The following CCL28 variants were observed in gnomAD, a reference collection of about 807,000 sequenced individuals.
CCL28 encodes the protein C-C motif chemokine 28.
In CCL28, 4 loss-of-function variants were observed where a neutral mutation model predicts 7.1. The ratio of observed to expected loss-of-function variants is 0.56; its 90% CI spans 0.28 to 1.29. The LOEUF is 1.29. Ranked by LOEUF, CCL28 falls within the 50% of genes most tolerant of loss-of-function variation. The pLI is 0.11. For missense variants in CCL28, 151 were observed against 163.4 expected, an observed-to-expected ratio of 0.92 and a Z score of 0.41; for synonymous variants, 55 against 57.8, an observed-to-expected ratio of 0.95 and a Z score of 0.22.
chr5:43,369,035 A>AG, the CCL28 span, among the ~76,000 whole-genome samples: 1 of 42,278 alleles, frequency 2.4e-5, no homozygotes, highest in African/African-American at 1.2e-4. Context: ...AGAAAGAGAG[A>AG]AAGAGAGAGA....
intron 1 of CCL28, among the ~76,000 whole-genome samples, chr5:43,408,353 G>A (rs1205787736): frequency 1.3e-5 from 2 of 152,168 alleles, no homozygotes; most frequent in African/African-American, 4.8e-5. Flanking sequence ...CATGGATGAT[G>A]CTGGAAACCA....
chr5:43,393,862 C>A (rs925474356), intron 1 of CCL28, among the ~76,000 whole-genome samples: 1 of 152,158 alleles, frequency 6.6e-6, no homozygotes, highest in Non-Finnish European at 1.5e-5. Context: ...TCTCACAAGA[C>A]GTGTAGAAAC....
chr5:43,364,304 TATGTGTGTGTGTGTATGTACATGTAC>T, the CCL28 span, among the ~76,000 whole-genome samples: 1 of 40,104 alleles, frequency 2.5e-5, no homozygotes, highest in South Asian at 5.6e-4. Flanking sequence ...CAAAACTATA[TATGTGTGTGTGTGTATGTACATGTAC>T]ATGTGTGTGT....
chr5:43,406,103 T>C (rs1236562585), intron 1 of CCL28, among the ~76,000 whole-genome samples: 1 of 152,072 alleles, frequency 6.6e-6, no homozygotes, highest in Non-Finnish European at 1.5e-5. Context: ...TCTAAAACTA[T>C]TCCAATCAAT....
At chr5:43,389,989 TC>T (rs1356458952) in intron 1 of CCL28, among the ~76,000 whole-genome samples, 3 of 152,188 alleles carry the variant, frequency 2.0e-5, no homozygotes, top group Non-Finnish European at 2.9e-5. Flanking sequence ...TCAGAATAGT[TC>T]CATTTTTAAA....
chr5:43,384,027 T>C, intron 2 of CCL28: 1 of 189,078 alleles, frequency 5.3e-6, no homozygotes, highest in South Asian at 7.2e-5. Flanking sequence ...TAGGTGGAGG[T>C]TGTAGTGAGC....
At chr5:43,374,553 C>T (rs181452381), downstream of CCL28, among the ~76,000 whole-genome samples, 11 of 152,222 alleles carry the variant, frequency 7.2e-5, 1 homozygote, top group African/African-American at 2.4e-4. Flanking sequence ...GAGGCCAAGG[C>T]GGGCGGATCA....
At chr5:43,378,723 G>A (rs374637361), downstream of CCL28, among the ~76,000 whole-genome samples, 14 of 152,298 alleles carry the variant, frequency 9.2e-5, no homozygotes, top group East Asian at 2.5e-3. Flanking sequence ...AGTACTTTGG[G>A]AGGCCGAGGT....
chr5:43,407,533 G>A (rs79770659), intron 1 of CCL28, among the ~76,000 whole-genome samples: 99,347 of 152,118 alleles, frequency 0.65, 34,416 homozygotes, highest in African/African-American at 0.87. Context: ...CAAAAACCAT[G>A]AAAACCCTAG....
intron 1 of CCL28, among the ~76,000 whole-genome samples, chr5:43,402,925 T>C (rs1251500966): frequency 6.6e-6 from 1 of 152,130 alleles, no homozygotes; most frequent in Non-Finnish European, 1.5e-5. Context: ...AGCACAGCGG[T>C]CTGAGATTGA....
the CCL28 span, among the ~76,000 whole-genome samples, chr5:43,358,379 G>A: frequency 6.6e-6 from 1 of 152,190 alleles, no homozygotes; most frequent in Non-Finnish European, 1.5e-5. Context: ...AAGCAGATTG[G>A]TCATTTCAAA....
the CCL28 span, among the ~76,000 whole-genome samples, chr5:43,364,206 T>C: frequency 1.1e-5 from 1 of 95,188 alleles, no homozygotes; most frequent in African/African-American, 7.5e-5. Context: ...CTGATAAACA[T>C]TGTGATTTTT....
the CCL28 span, among the ~76,000 whole-genome samples, chr5:43,369,513 C>T: frequency 3.3e-5 from 5 of 152,134 alleles, no homozygotes; most frequent in Admixed American, 6.5e-5. Flanking sequence ...CAACCTCCGC[C>T]TCCCAGGTTA....
At chr5:43,362,584 T>C in the CCL28 span, among the ~76,000 whole-genome samples, 48 of 152,268 alleles carry the variant, frequency 3.2e-4, no homozygotes, top group South Asian at 1.7e-3. Flanking sequence ...TCCATGAAAA[T>C]GCATGCAAGA....
chr5:43,390,097 G>A (rs1235588129), intron 1 of CCL28, among the ~76,000 whole-genome samples: 1 of 152,178 alleles, frequency 6.6e-6, no homozygotes, highest in Non-Finnish European at 1.5e-5. Flanking sequence ...AGATGATTAT[G>A]TGACATTTCT....
intron 1 of CCL28, among the ~76,000 whole-genome samples, chr5:43,407,833 T>C (rs947578108): frequency 1.8e-5 from 1 of 57,112 alleles, no homozygotes; most frequent in Non-Finnish European, 3.6e-5. Context: ...GGGTGAAGGA[T>C]ATGAACAGAC....
chr5:43,371,330 C>G, the CCL28 span, among the ~76,000 whole-genome samples: 270 of 152,268 alleles, frequency 1.8e-3, 1 homozygote, highest in African/African-American at 6.3e-3. Context: ...ATGATTCCAG[C>G]CTCCAAAATT....
downstream of CCL28, among the ~76,000 whole-genome samples, chr5:43,374,383 A>G (rs141772125): frequency 2.6e-3 from 402 of 152,378 alleles, 2 homozygotes; most frequent in African/African-American, 9.2e-3. Flanking sequence ...GAGGGAAACA[A>G]TGATTTTATC....
At chr5:43,374,476 A>C (rs1216736092), downstream of CCL28, among the ~76,000 whole-genome samples, 2 of 152,184 alleles carry the variant, frequency 1.3e-5, no homozygotes, top group Non-Finnish European at 2.9e-5. Context: ...AGTTCTATTT[A>C]TTCTGTGATA....
Sources: allele counts gnomAD v4.1 joint callset (sites outside exome capture counted in the v4.1 genomes callset), GRCh38; gene constraint gnomAD v4.1.1; transcripts MANE v1.5; gene names NCBI Gene and HGNC (gene_info 2026-07-23, HGNC 2026-07-21).